GNPTAB: variants seen among roughly 807,000 people sequenced by gnomAD.
GNPTAB encodes the protein N-acetylglucosamine-1-phosphotransferase subunits alpha/beta.
In GNPTAB, 92 loss-of-function variants were observed where a neutral mutation model predicts 136.6. That is an observed-to-expected ratio of 0.67 (90% CI 0.57 to 0.80). GNPTAB has a LOEUF of 0.80. Among genes scored for constraint, GNPTAB ranks in the 30% least tolerant of loss-of-function variants. The pLI is 0.00. For missense variants in GNPTAB, 1,343 were observed against 1,501.8 expected (o/e 0.89, Z 1.75); for synonymous variants, 512 against 535.1 (o/e 0.96, Z 0.60).
At position 101,761,938 on chromosome 12, in the gene GNPTAB, A is replaced by G. The variant is rs12425243; in HGVS notation, c.2716-175T>C. ...TCTAAACTGGACTTAGCAGGACTCA[A>G]CTGGATTTCAGTGCAAGTATCACCA... On this transcript the variant is annotated intron_variant, in intron 13 of 20. Coordinates refer to ENST00000299314, the MANE Select transcript of GNPTAB (RefSeq NM_024312.5). Among the ~76,000 whole-genome samples, 839 of 152,336 alleles carry G rather than the reference A, an allele frequency of 5.5e-3. 24 individuals carry two copies. Among genetic ancestry groups the G allele is most frequent in the Admixed American group, 0.053 (811 of 15,300 alleles).
At chr12:101,798,026 C>G (rs78204468) in intron 1 of GNPTAB, among the ~76,000 whole-genome samples, 1 of 152,282 alleles carries the variant, frequency 6.6e-6, no homozygotes, top group African/African-American at 2.4e-5. Context: ...CTCTACCCCA[C>G]ATTTTCTGTC....
intron 1 of GNPTAB, among the ~76,000 whole-genome samples, chr12:101,802,213 A>AAAAG (rs1869679050): frequency 6.9e-6 from 1 of 144,994 alleles, no homozygotes; most frequent in Non-Finnish European, 1.5e-5. Context: ...AAAAAAAAAA[A>AAAAG]AAAAGAAAAG....
chr12:101,830,569 T>C lies in GNPTAB; in HGVS notation c.107A>G (p.Gln36Arg). ...GVVVTIVSAF[Q>R]FGEVVLEWSR... ...GGCGCCGCTACTCACCTCTCCGAACTGGAAGGCGGAGACGATGGTGACAAC... is the reference window on the plus strand; with the variant it reads ...GGCGCCGCTACTCACCTCTCCGAACCGGAAGGCGGAGACGATGGTGACAAC... Residue 36 changes from glutamine to arginine, a missense_variant, in exon 1 of 21, where the codon CAG becomes CGG. Transcript: ENST00000299314. 1.9e-6 allele frequency: 3 copies of C among 1,608,818 alleles called. No individual in the cohort carries two copies. Among genetic ancestry groups the C allele is most frequent in the Non-Finnish European group, 2.6e-6 (3 of 1,176,162 alleles).
chr12:101,761,541 A>T, intron 14 of GNPTAB, 23 bp downstream of exon 14: 1 of 1,607,018 alleles, frequency 6.2e-7, no homozygotes, highest in Non-Finnish European at 8.5e-7. Context: ...CAAGCAAACA[A>T]CTCAAACACG....
At chr12:101,801,740 TAAAAC>T (rs1163696335) in intron 1 of GNPTAB, among the ~76,000 whole-genome samples, 2 of 151,516 alleles carry the variant, frequency 1.3e-5, no homozygotes, top group Admixed American at 1.3e-4. Flanking sequence ...AAAATAAAAA[TAAAAC>T]AATTTGGTTA....
chr12:101,768,059 A>G lies in GNPTAB; in HGVS notation c.1386T>C (p.Asp462=), dbSNP rs765304333. ...TACCAGAGCAATCCCCACCATCCCA[A>G]TCGCAGGCTGAATTATTACAAGCCT... ...CDKACNNSAC[D]WDGGDCSGNS... Residue 462 remains aspartate, a synonymous_variant, in exon 11 of 21, where the codon GAT becomes GAC. Transcript: ENST00000299314. 6.2e-7 allele frequency: 1 copy of G among 1,614,038 alleles called. No homozygotes were observed. The highest frequency in any genetic ancestry group is 8.5e-7 in the Non-Finnish European group (1 of 1,179,984).
intron 8 of GNPTAB, 88 bp downstream of exon 8, chr12:101,770,903 TAAGTC>T: frequency 1.6e-6 from 2 of 1,257,704 alleles, no homozygotes; most frequent in Non-Finnish European, 2.3e-6. Flanking sequence ...CACCTCTCTG[TAAGTC>T]CCCTTCCCTC....
intron 1 of GNPTAB, among the ~76,000 whole-genome samples, chr12:101,817,270 T>C (rs1417513916): frequency 6.8e-6 from 1 of 146,198 alleles, no homozygotes; most frequent in Non-Finnish European, 1.5e-5. Flanking sequence ...TTCCACTTTT[T>C]TTTTTTTTTT....
chr12:101,801,107 C>T (rs973947751), intron 1 of GNPTAB, among the ~76,000 whole-genome samples: 2 of 151,482 alleles, frequency 1.3e-5, no homozygotes, highest in Non-Finnish European at 2.9e-5. Context: ...GTGGCACACA[C>T]CTGTAGACCC....
At chr12:101,794,948 A>C (rs1234448723) in intron 2 of GNPTAB, among the ~76,000 whole-genome samples, 1 of 152,166 alleles carries the variant, frequency 6.6e-6, no homozygotes, top group Non-Finnish European at 1.5e-5. Flanking sequence ...AAAAATTTTT[A>C]AAAACGTTTG....
chr12:101,814,117 G>T (rs1870384456), intron 1 of GNPTAB, among the ~76,000 whole-genome samples: 1 of 150,908 alleles, frequency 6.6e-6, no homozygotes. Flanking sequence ...TGGGCAACAT[G>T]ATGAAACACC....
At chr12:101,791,570 C>T (rs1246338873) in intron 2 of GNPTAB, among the ~76,000 whole-genome samples, 2 of 151,666 alleles carry the variant, frequency 1.3e-5, no homozygotes, top group South Asian at 4.2e-4. Context: ...TGGCCACATA[C>T]GGCCCACAGG....
At chr12:101,750,533 A>C (rs1297338883) in intron 19 of GNPTAB, among the ~76,000 whole-genome samples, 1 of 152,224 alleles carries the variant, frequency 6.6e-6, no homozygotes, top group Non-Finnish European at 1.5e-5. Flanking sequence ...CAGCACAGAA[A>C]TCAAGGTCCT....
chr12:101,830,904 TGCGGCCGGCGAG>T lies in GNPTAB; in HGVS notation c.-241_-230del, dbSNP rs1555277165. On this transcript the variant is annotated 5_prime_UTR_variant, in exon 1 of 21. Coordinates refer to ENST00000299314, the MANE Select transcript of GNPTAB (RefSeq NM_024312.5). The stretch of plus-strand genomic sequence containing the variant: ...GCCCTCGGCGCGGCGGAGGCGGACC[TGCGGCCGGCGAG>T]GCGGCCGGCGCCGCCCGGGTCTGGC... The T allele has an allele frequency of 1.4e-5, 2 of 146,106 alleles. No homozygotes were observed. The highest frequency in any genetic ancestry group is 1.4e-4 in the Admixed American group (2 of 14,720). The allele number at this position is 146,106 out of a possible 1,614,324, so 9.1% of individuals were successfully genotyped here. A position where few individuals can be genotyped will look rare whatever the true frequency, so the allele number is the denominator to read the frequency against.
At chr12:101,775,365 C>CT (rs56347934) in intron 7 of GNPTAB, among the ~76,000 whole-genome samples, 83,782 of 143,274 alleles carry the variant, frequency 0.58, 24,853 homozygotes, top group East Asian at 0.85. Context: ...TCTTTTTTTT[C>CT]TTTTTTTTTT....
rs531463265 is a variant in GNPTAB at position 101,761,049 on chromosome 12, G to A, written c.3135+78C>T. ...AGCATCCCAAAGTGCTGGGATTACA[G>A]GTGTGAGCCACTGCGCCTGACCAGA... On this transcript the variant is annotated intron_variant, in intron 15 of 20. Coordinates refer to ENST00000299314, the MANE Select transcript of GNPTAB (RefSeq NM_024312.5). 1.3e-5 allele frequency: 14 copies of A among 1,049,700 alleles called. No homozygotes were observed. In the East Asian group the frequency reaches 3.6e-4, roughly 27 times the overall value. The allele number at this position is 1,049,700 out of a possible 1,614,324, so 65.0% of individuals were successfully genotyped here. A position where few individuals can be genotyped will look rare whatever the true frequency, so the allele number is the denominator to read the frequency against.
intron 4 of GNPTAB, among the ~76,000 whole-genome samples, chr12:101,787,523 C>T (rs1868724366): frequency 6.6e-6 from 1 of 151,980 alleles, no homozygotes; most frequent in South Asian, 2.1e-4. Context: ...TGCACCATTG[C>T]TTTTATTTAA....
intron 1 of GNPTAB, among the ~76,000 whole-genome samples, chr12:101,811,392 T>C (rs977255821): frequency 6.6e-6 from 1 of 152,074 alleles, no homozygotes; most frequent in Non-Finnish European, 1.5e-5. Context: ...TCTTTTTTTT[T>C]TTTTCTTTTT....
At position 101,788,558 on chromosome 12, in the gene GNPTAB, T is replaced by C. The variant is rs1594236380; in HGVS notation, c.355A>G (p.Thr119Ala). The C allele has an allele frequency of 6.4e-6, 10 of 1,563,792 alleles. No individual in the cohort carries two copies. Among genetic ancestry groups the C allele is most frequent in the Non-Finnish European group, 8.8e-6 (10 of 1,134,252 alleles). ...EILGKNTTEP[T>A]KKSEKQLECL... ...AATCAAAATGCTTACCTCTTCTTAGTAGGTTCCGTTGTGTTTTTCCCAAGG... is the reference window on the plus strand; with the variant it reads ...AATCAAAATGCTTACCTCTTCTTAGCAGGTTCCGTTGTGTTTTTCCCAAGG... The change falls in exon 4 of 21, where the codon ACT becomes GCT. Residue 119 changes from threonine (T) to alanine (A), a missense_variant. Transcript: ENST00000299314.
Sources: allele counts gnomAD v4.1 joint callset (sites outside exome capture counted in the v4.1 genomes callset), GRCh38; gene constraint gnomAD v4.1.1; transcripts MANE v1.5; gene names NCBI Gene and HGNC (gene_info 2026-07-23, HGNC 2026-07-21).